PPP6R2: variants seen among roughly 807,000 people sequenced by gnomAD.
The protein encoded by PPP6R2 is protein phosphatase 6 regulatory subunit 2, also known as serine/threonine-protein phosphatase 6 regulatory subunit 2.
In PPP6R2, 62 loss-of-function variants were observed where a neutral mutation model predicts 100.2. The ratio of observed to expected loss-of-function variants is 0.62; its 90% CI spans 0.50 to 0.76. PPP6R2 has a LOEUF of 0.76. Among genes scored for constraint, PPP6R2 ranks in the 30% least tolerant of loss-of-function variants. The pLI is 0.00. For missense variants in PPP6R2, 1,142 were observed against 1,276.3 expected, an observed-to-expected ratio of 0.89 and a Z score of 1.60; for synonymous variants, 525 against 514.7, an observed-to-expected ratio of 1.02 and a Z score of -0.27.
chr22:50,339,996 G>A (rs1365741193), upstream of PPP6R2, among the ~76,000 whole-genome samples: 1 of 140,960 alleles, frequency 7.1e-6, no homozygotes, highest in Non-Finnish European at 1.5e-5. Context: ...TGTGTGTTAT[G>A]TGGCGTGTGT....
At chr22:50,339,449 G>C (rs2042343474), upstream of PPP6R2, among the ~76,000 whole-genome samples, 1 of 137,312 alleles carries the variant, frequency 7.3e-6, no homozygotes, top group Non-Finnish European at 1.6e-5. Context: ...TGTGTGTTGT[G>C]TGTGGTGTGT....
At chr22:50,365,932 G>A (rs1037881414) in intron 1 of PPP6R2, among the ~76,000 whole-genome samples, 5 of 151,972 alleles carry the variant, frequency 3.3e-5, no homozygotes, top group Admixed American at 1.3e-4. Flanking sequence ...GGTTGGTTTT[G>A]TGTTGTTTTT....
chr22:50,395,930 C>T (rs1163789868), intron 3 of PPP6R2, among the ~76,000 whole-genome samples: 2 of 150,774 alleles, frequency 1.3e-5, no homozygotes, highest in Non-Finnish European at 3.0e-5. Flanking sequence ...CATCGTGGCT[C>T]ATACCTGTAA....
intron 3 of PPP6R2, among the ~76,000 whole-genome samples, chr22:50,398,296 C>G (rs1203972042): frequency 6.6e-6 from 1 of 151,254 alleles, no homozygotes; most frequent in African/African-American, 2.4e-5. Context: ...CTCAGGCTCC[C>G]GAGTTGCTGG....
intron 3 of PPP6R2, among the ~76,000 whole-genome samples, chr22:50,400,614 A>C (rs2057864636): frequency 6.6e-6 from 1 of 152,218 alleles, no homozygotes; most frequent in Admixed American, 6.5e-5. Flanking sequence ...ATGGGTCAGG[A>C]CAGGGGATCC....
At chr22:50,363,839 C>T (rs1821698532) in intron 1 of PPP6R2, among the ~76,000 whole-genome samples, 1 of 151,848 alleles carries the variant, frequency 6.6e-6, no homozygotes, top group Admixed American at 6.6e-5. Flanking sequence ...TGAAGAATAA[C>T]CAAGACAAGT....
At chr22:50,418,790 C>A in intron 6 of PPP6R2, 77 bp from the exon 7 acceptor site, 1 of 1,119,332 alleles carries the variant, frequency 8.9e-7, no homozygotes, top group Non-Finnish European at 1.4e-6. Flanking sequence ...AGGACTTGTG[C>A]CCTGTGTGCC....
At chr22:50,408,126 A>ATC (rs1396751732) in intron 4 of PPP6R2, among the ~76,000 whole-genome samples, 4 of 152,272 alleles carry the variant, frequency 2.6e-5, no homozygotes, top group African/African-American at 9.6e-5. Context: ...GGCTCAAGTG[A>ATC]TCTGCCTGCC....
chr22:50,384,133 TTTG>T (rs1347616954), intron 2 of PPP6R2, among the ~76,000 whole-genome samples: 1 of 152,104 alleles, frequency 6.6e-6, no homozygotes, highest in Admixed American at 6.6e-5. Context: ...TCAAGTATGA[TTTG>T]TTGGGCACTT....
chr22:50,369,019 A>G (rs927736431), intron 1 of PPP6R2, among the ~76,000 whole-genome samples: 24 of 152,174 alleles, frequency 1.6e-4, no homozygotes, highest in African/African-American at 5.1e-4. Context: ...TGGGCGGATC[A>G]GCTGAGGTTG....
chr22:50,351,037 T>TTTG (rs2045043840), intron 1 of PPP6R2, among the ~76,000 whole-genome samples: 1 of 115,462 alleles, frequency 8.7e-6, no homozygotes, highest in African/African-American at 3.3e-5. Flanking sequence ...TTTTTTTTTT[T>TTTG]TTTTTTTTTT....
At chr22:50,339,708 GGTGTGTGTAGGGTGTGTGTT>G (rs937048246), upstream of PPP6R2, among the ~76,000 whole-genome samples, 15 of 143,562 alleles carry the variant, frequency 1.0e-4, no homozygotes, top group Non-Finnish European at 1.5e-5. Flanking sequence ...TGTAGTGTGT[GGTGTGTGTAGGGTGTGTGTT>G]GTGTGTGTGG....
chr22:50,375,246 A>C (rs1392488029), intron 2 of PPP6R2, among the ~76,000 whole-genome samples: 1 of 152,186 alleles, frequency 6.6e-6, no homozygotes, highest in Non-Finnish European at 1.5e-5. Flanking sequence ...CCTCCACCCC[A>C]GAAAAACAGC....
At chr22:50,437,689 CG>C in intron 16 of PPP6R2, 86 bp downstream of exon 16, 1 of 1,420,278 alleles carries the variant, frequency 7.0e-7, no homozygotes, top group African/African-American at 1.4e-5. Context: ...GAGGTCTTGC[CG>C]GGAGTGCCGT....
In PPP6R2 at chr22:50,430,674, G is replaced by A. The variant is rs529180396; in HGVS notation, c.1126-499G>A. On this transcript the variant is annotated intron_variant, in intron 10 of 23. Transcript: ENST00000612753. Reference sequence around the variant, plus strand: ...AGATCACCTGAGGTTGGAAGTTCAAGACCAGCCTGACCAACATGGCAAAAT... The same window carrying A: ...AGATCACCTGAGGTTGGAAGTTCAAAACCAGCCTGACCAACATGGCAAAAT... 7.2e-5 allele frequency among the ~76,000 whole-genome samples: 11 copies of A among 152,204 alleles called. No homozygotes were observed. In the South Asian group the frequency reaches 2.3e-3, roughly 32 times the overall value.
the PPP6R2 span, among the ~76,000 whole-genome samples, chr22:50,334,628 A>G: frequency 1.3e-5 from 2 of 152,066 alleles, no homozygotes; most frequent in African/African-American, 4.8e-5. Context: ...TTGCATATCT[A>G]TACAGATTTC....
At chr22:50,406,331 C>T (rs1357776466) in intron 3 of PPP6R2, among the ~76,000 whole-genome samples, 4 of 138,280 alleles carry the variant, frequency 2.9e-5, no homozygotes, top group Non-Finnish European at 6.2e-5. Context: ...AGAGGCCTGG[C>T]AGGCGAGTGT....
At chr22:50,349,060 T>C (rs1169989878) in intron 1 of PPP6R2, among the ~76,000 whole-genome samples, 1 of 151,252 alleles carries the variant, frequency 6.6e-6, no homozygotes, top group Non-Finnish European at 1.5e-5. Flanking sequence ...CCAGGCATGG[T>C]GGTGGGCGCC....
intron 2 of PPP6R2, among the ~76,000 whole-genome samples, chr22:50,379,068 T>A (rs2052310527): frequency 6.6e-6 from 1 of 152,194 alleles, no homozygotes; most frequent in African/African-American, 2.4e-5. Flanking sequence ...AATCTGCTGC[T>A]GCCTTGGTTT....
Sources: gnomAD v4.1 joint callset for allele counts (sites outside exome capture counted in the v4.1 genomes callset) on GRCh38, gnomAD v4.1.1 for gene constraint, MANE v1.5 for transcripts, NCBI Gene and HGNC (gene_info 2026-07-23, HGNC 2026-07-21) for gene names.